The following TMTC2 variants were observed in gnomAD, a reference collection of about 807,000 sequenced individuals.
The protein encoded by TMTC2 is protein O-mannosyl-transferase TMTC2.
TMTC2 carries 43 observed loss-of-function variants against 82.4 expected under a neutral mutation model. The ratio of observed to expected loss-of-function variants is 0.52; its 90% CI spans 0.41 to 0.67. TMTC2 has a LOEUF of 0.67. Among genes scored for constraint, TMTC2 ranks in the 30% least tolerant of loss-of-function variants. The probability of loss-of-function intolerance (pLI) is 0.00; values close to 1 mark genes in which losing one functional copy is unlikely to be tolerated. For synonymous variants in TMTC2, 408 were observed against 381.9 expected (o/e 1.07, Z -0.80); for missense variants, 919 against 1,012.4 (o/e 0.91, Z 1.25).
chr12:82,717,949 A>T (rs551107504), intron 1 of TMTC2, among the ~76,000 whole-genome samples: 1 of 152,338 alleles, frequency 6.6e-6, no homozygotes, highest in South Asian at 2.1e-4. Context: ...GGAGTTGGCA[A>T]CAGTGGTCTT....
intron 11 of TMTC2, among the ~76,000 whole-genome samples, chr12:83,077,105 A>G (rs1883305716): frequency 6.6e-6 from 1 of 152,222 alleles, no homozygotes; most frequent in South Asian, 2.1e-4. Flanking sequence ...TAGCAAAGAC[A>G]GCTGGGAATT....
intron 11 of TMTC2, among the ~76,000 whole-genome samples, chr12:83,071,257 C>A (rs1883104118): frequency 6.6e-6 from 1 of 151,678 alleles, no homozygotes; most frequent in Admixed American, 6.6e-5. Context: ...TGGGTTCACG[C>A]CATTCTCCTG....
intron 1 of TMTC2, among the ~76,000 whole-genome samples, chr12:82,836,752 T>G (rs2137083594): frequency 6.6e-6 from 1 of 152,332 alleles, no homozygotes; most frequent in East Asian, 1.9e-4. Context: ...TTGGGGATTG[T>G]AATTTAGCCC....
chr12:82,693,206 A>T (rs1938966063), intron 1 of TMTC2, among the ~76,000 whole-genome samples: 1 of 152,134 alleles, frequency 6.6e-6, no homozygotes, highest in Non-Finnish European at 1.5e-5. Context: ...ATTCCACTTG[A>T]ATTTATCACT....
chr12:83,031,328 C>T (rs969955722), intron 9 of TMTC2, among the ~76,000 whole-genome samples: 1 of 152,172 alleles, frequency 6.6e-6, no homozygotes, highest in Non-Finnish European at 1.5e-5. Flanking sequence ...GTACACTAGC[C>T]TGTAAATGCC....
At chr12:82,731,158 T>A (rs1004919858) in intron 1 of TMTC2, among the ~76,000 whole-genome samples, 4 of 152,344 alleles carry the variant, frequency 2.6e-5, no homozygotes, top group African/African-American at 9.6e-5. Context: ...CCTTTGCAAA[T>A]GTGCATTGTC....
intron 1 of TMTC2, among the ~76,000 whole-genome samples, chr12:82,728,757 G>A (rs1305782539): frequency 2.6e-5 from 4 of 152,228 alleles, no homozygotes; most frequent in African/African-American, 4.8e-5. Flanking sequence ...CTCAGCTTGC[G>A]GGGAGGTGTG....
At chr12:82,809,106 T>A (rs1879373195) in intron 1 of TMTC2, among the ~76,000 whole-genome samples, 1 of 149,748 alleles carries the variant, frequency 6.7e-6, no homozygotes. Context: ...TTTATATATC[T>A]ATAGTATTTA....
At chr12:83,058,266 G>A (rs907912958) in intron 10 of TMTC2, among the ~76,000 whole-genome samples, 8 of 151,654 alleles carry the variant, frequency 5.3e-5, no homozygotes, top group African/African-American at 1.9e-4. Flanking sequence ...GTTTGCTTTC[G>A]ATCTGAGAGT....
At chr12:82,780,829 T>A (rs554381945) in intron 1 of TMTC2, among the ~76,000 whole-genome samples, 86 of 152,190 alleles carry the variant, frequency 5.7e-4, no homozygotes, top group African/African-American at 2.0e-3. Flanking sequence ...TAATTTGGCT[T>A]AATGAGCTTT....
chr12:82,769,057 G>T (rs990547776), intron 1 of TMTC2, among the ~76,000 whole-genome samples: 3 of 150,920 alleles, frequency 2.0e-5, no homozygotes, highest in African/African-American at 7.3e-5. Context: ...AGCTTCAGGG[G>T]CTAAGCCATA....
intron 2 of TMTC2, among the ~76,000 whole-genome samples, chr12:82,891,591 A>G (rs1176141749): frequency 6.6e-6 from 1 of 152,174 alleles, no homozygotes; most frequent in East Asian, 1.9e-4. Flanking sequence ...TACAGGTGTG[A>G]GCCACCACGC....
intron 8 of TMTC2, among the ~76,000 whole-genome samples, chr12:83,017,437 A>T (rs1169507931): frequency 6.6e-6 from 1 of 152,256 alleles, no homozygotes; most frequent in Non-Finnish European, 1.5e-5. Context: ...TATGTGGCCT[A>T]GTTCACTTAA....
intron 11 of TMTC2, among the ~76,000 whole-genome samples, chr12:83,103,131 G>C (rs1884279532): frequency 6.6e-6 from 1 of 152,308 alleles, no homozygotes; most frequent in South Asian, 2.1e-4. Context: ...GGATCTAAGT[G>C]GTGGGTCACC....
intron 1 of TMTC2, among the ~76,000 whole-genome samples, chr12:82,716,433 G>A (rs1873902719): frequency 6.8e-6 from 1 of 147,704 alleles, no homozygotes. Context: ...GCGCGATCTC[G>A]ACTCACTGCA....
chr12:82,784,240 T>C (rs932385143), intron 1 of TMTC2, among the ~76,000 whole-genome samples: 3 of 152,118 alleles, frequency 2.0e-5, no homozygotes, highest in African/African-American at 7.2e-5. Flanking sequence ...CAGATATTTT[T>C]CCCATACCCC....
At chr12:82,872,521 G>A (rs765035507) in intron 2 of TMTC2, among the ~76,000 whole-genome samples, 21 of 152,092 alleles carry the variant, frequency 1.4e-4, no homozygotes, top group Non-Finnish European at 2.9e-4. Context: ...ATGTGTTCTT[G>A]ACAGGCATTG....
intron 2 of TMTC2, among the ~76,000 whole-genome samples, chr12:82,868,699 C>CTTT (rs59925659): frequency 7.5e-6 from 1 of 132,752 alleles, no homozygotes. Context: ...AAGTCTCTCT[C>CTTT]TTTTTTTTTT....
chr12:83,006,987 A>G (rs914488134), intron 8 of TMTC2, among the ~76,000 whole-genome samples: 3 of 152,142 alleles, frequency 2.0e-5, no homozygotes, highest in Non-Finnish European at 2.9e-5. Context: ...TACCTAATGT[A>G]AATGACGAGT....
Sources: allele counts gnomAD v4.1 joint callset (sites outside exome capture counted in the v4.1 genomes callset), GRCh38; gene constraint gnomAD v4.1.1; transcripts MANE v1.5; gene names NCBI Gene and HGNC (gene_info 2026-07-23, HGNC 2026-07-21).